Variants in DYNC2H1 observed in about 807,000 individuals in gnomAD.
The protein encoded by DYNC2H1 is dynein cytoplasmic 2 heavy chain 1, also known as cytoplasmic dynein 2 heavy chain 1.
In DYNC2H1, 410 loss-of-function variants were observed where a neutral mutation model predicts 570.0. The observed-to-expected ratio is 0.72, with a 90% CI of 0.66 to 0.78. The LOEUF (loss-of-function observed/expected upper bound fraction) is 0.78. DYNC2H1 is among the 30% of genes least tolerant of loss of function. The pLI is 0.00. For missense variants in DYNC2H1, 4,865 were observed against 5,046.4 expected (o/e 0.96, Z 1.09); for synonymous variants, 1,688 against 1,677.6 (o/e 1.01, Z -0.15).
rs1401972124 is a variant in DYNC2H1 at position 103,465,043 on chromosome 11, A to G, written c.12649-3546A>G. On this transcript the variant is annotated intron_variant, in intron 87 of 88. Coordinates refer to ENST00000375735, the MANE Select transcript of DYNC2H1 (RefSeq NM_001377.3). This position sits in a 1 kb window ranked among gnomAD's most constrained non-coding sequence, Gnocchi z 4.9. ...TCAGTACTGAATACTTTAAGAATTT[A>G]TTAGAAAGTTTTACACTTAATTACG... Among the ~76,000 whole-genome samples the G allele has an allele frequency of 1.3e-5, 2 of 152,196 alleles. No individual in the cohort carries two copies. The highest frequency in any genetic ancestry group is 6.5e-5 in the Admixed American group (1 of 15,274).
At chr11:103,270,205 A>T (rs1179679928) in intron 70 of DYNC2H1, among the ~76,000 whole-genome samples, 1 of 150,676 alleles carries the variant, frequency 6.6e-6, no homozygotes. Flanking sequence ...AAAAAAAAAA[A>T]AAAATAATAA....
chr11:103,414,583 A>C (rs886353712), intron 84 of DYNC2H1, among the ~76,000 whole-genome samples: 1 of 111,880 alleles, frequency 8.9e-6, no homozygotes, highest in South Asian at 3.2e-4. Context: ...GTAAGAGAGA[A>C]GTCACATTGT....
chr11:103,332,296 A>C (rs1938849660), intron 82 of DYNC2H1, among the ~76,000 whole-genome samples: 1 of 138,156 alleles, frequency 7.2e-6, no homozygotes. Flanking sequence ...CTGAAACATA[A>C]GGAGAAAAAA....
chr11:103,386,034 T>A (rs2671399), intron 83 of DYNC2H1, among the ~76,000 whole-genome samples: 66,522 of 151,982 alleles, frequency 0.44, 16,161 homozygotes, highest in Non-Finnish European at 0.55. Context: ...CAACATGAGG[T>A]AAATAAAGAT....
chr11:103,436,565 T>G (rs773666389), intron 85 of DYNC2H1, among the ~76,000 whole-genome samples: 110 of 152,134 alleles, frequency 7.2e-4, no homozygotes, highest in Admixed American at 3.3e-3. Flanking sequence ...TTGCACCAGC[T>G]TCACAAAAGA....
intron 83 of DYNC2H1, among the ~76,000 whole-genome samples, chr11:103,373,085 A>C (rs1238962261): frequency 1.3e-5 from 2 of 152,138 alleles, no homozygotes; most frequent in Non-Finnish European, 2.9e-5. Context: ...CTGGGACTAC[A>C]GTCGTGCACC....
rs1307997851 is a variant in DYNC2H1 at position 103,472,044 on chromosome 11, A to T, written c.12765+3339A>T. ...CCAGACAGAAGTAGCAGCATATGTA[A>T]ATATATGCAGATAGAAAAGAGCTTA... is the stretch of plus-strand genomic sequence containing the variant. On this transcript the variant is annotated intron_variant, in intron 88 of 88. Coordinates refer to ENST00000375735, the MANE Select transcript of DYNC2H1 (RefSeq NM_001377.3). The surrounding 1 kb of genome is among the most constrained non-coding windows in gnomAD (Gnocchi z 4.1). 1.3e-5 allele frequency among the ~76,000 whole-genome samples: 2 copies of T among 152,190 alleles called. No individual in the cohort carries two copies.
chr11:103,225,881 GA>G (rs1863781667), intron 59 of DYNC2H1, among the ~76,000 whole-genome samples: 1 of 152,000 alleles, frequency 6.6e-6, no homozygotes, highest in Non-Finnish European at 1.5e-5. Context: ...GCCCATCTGT[GA>G]GCATGGGATA....
At chr11:103,360,805 TAAATA>T (rs1377377743) in intron 83 of DYNC2H1, among the ~76,000 whole-genome samples, 3 of 152,224 alleles carry the variant, frequency 2.0e-5, no homozygotes, top group South Asian at 2.1e-4. Flanking sequence ...AGCAAGTAAA[TAAATA>T]AAATATATTA....
chr11:103,274,467 C>CT (rs1170276959), intron 70 of DYNC2H1, among the ~76,000 whole-genome samples: 1 of 151,908 alleles, frequency 6.6e-6, no homozygotes, highest in Non-Finnish European at 1.5e-5. Context: ...CATTTATTGT[C>CT]TTATTTATCT....
At chr11:103,135,995 G>C in intron 17 of DYNC2H1, 47 bp downstream of exon 17, 1 of 1,420,772 alleles carries the variant, frequency 7.0e-7, no homozygotes, top group East Asian at 2.4e-5. Context: ...AATTATTTCT[G>C]ATTGATTGAA....
intron 83 of DYNC2H1, among the ~76,000 whole-genome samples, chr11:103,392,986 C>T (rs193119462): frequency 6.1e-4 from 93 of 152,080 alleles, no homozygotes; most frequent in Non-Finnish European, 1.1e-3. Flanking sequence ...CAGGTTCAAG[C>T]GATTCTCCTG....
rs369851711 is a variant in DYNC2H1 at position 103,253,269 on chromosome 11, TG to T, written c.10043-15del. The T allele has an allele frequency of 1.3e-4, 199 of 1,574,964 alleles. No individual in the cohort carries two copies. Among genetic ancestry groups the T allele is most frequent in the Middle Eastern group, 6.8e-4 (4 of 5,892 alleles). On this transcript the variant is annotated splice_polypyrimidine_tract_variant and intron_variant, in intron 65 of 88. Transcript: ENST00000375735. ...AGAAGATTCAGACCAACCAATTGTGTGTTTTTTTTAAATAGGACCACGTTAT... is the reference window on the plus strand; with the variant it reads ...AGAAGATTCAGACCAACCAATTGTGTTTTTTTTTAAATAGGACCACGTTAT...
intron 83 of DYNC2H1, among the ~76,000 whole-genome samples, chr11:103,394,158 T>C (rs894123935): frequency 2.0e-5 from 3 of 152,320 alleles, no homozygotes; most frequent in Admixed American, 6.5e-5. Flanking sequence ...TGGGTATTTA[T>C]TACTTACTTT....
intron 59 of DYNC2H1, among the ~76,000 whole-genome samples, chr11:103,224,978 G>A (rs1362363623): frequency 6.6e-6 from 1 of 152,108 alleles, no homozygotes; most frequent in Non-Finnish European, 1.5e-5. Context: ...TTGTGGTTTT[G>A]ATTTGCATTT....
At chr11:103,274,159 T>C (rs1270627775) in intron 70 of DYNC2H1, among the ~76,000 whole-genome samples, 1 of 150,384 alleles carries the variant, frequency 6.6e-6, no homozygotes, top group Non-Finnish European at 1.5e-5. Flanking sequence ...CACACACATA[T>C]ATATATATCT....
rs1382609518 is a variant in DYNC2H1, at chr11:103,256,600, A to G, written c.10461+360A>G. Among the ~76,000 whole-genome samples the G allele has an allele frequency of 1.3e-5, 2 of 152,194 alleles. No individual in the cohort carries two copies. The highest frequency in any genetic ancestry group is 1.5e-5 in the Non-Finnish European group (1 of 68,034). ...ACTTTTCTTAAGTTAAGGCAAGTTA[A>G]ATATACTAATTAAAAGGGTTATAAG... On this transcript the variant is annotated intron_variant, in intron 68 of 88. Coordinates refer to ENST00000375735, the MANE Select transcript of DYNC2H1 (RefSeq NM_001377.3). This position sits in a 1 kb window ranked among gnomAD's most constrained non-coding sequence, Gnocchi z 4.0.
rs542316908 is a variant in DYNC2H1 at position 103,213,019 on chromosome 11, C to G, written c.8694+1076C>G. 2.0e-5 allele frequency among the ~76,000 whole-genome samples: 3 copies of G among 152,184 alleles called. No individual in the cohort carries two copies. In the South Asian group the frequency reaches 6.2e-4, roughly 32 times the overall value. On this transcript the variant is annotated intron_variant, in intron 54 of 88. Coordinates refer to ENST00000375735, the MANE Select transcript of DYNC2H1 (RefSeq NM_001377.3). ...CATTCCTTTTTTGCCATTACTCTTT[C>G]CCCAAATCTTCTGATTTGTTAGGTG...
Position 103,289,358 on chromosome 11 carries a change from C to T in DYNC2H1, c.11095+1753C>T, listed in dbSNP as rs572776718. ...GCACTAAAAAACCATAAGCTAAATTCCTTCCCAAGGATAGTTCAGCCTACA... is the reference window on the plus strand; with the variant it reads ...GCACTAAAAAACCATAAGCTAAATTTCTTCCCAAGGATAGTTCAGCCTACA... On this transcript the variant is annotated intron_variant, in intron 75 of 88. Coordinates refer to ENST00000375735, the MANE Select transcript of DYNC2H1 (RefSeq NM_001377.3). This position sits in a 1 kb window ranked among gnomAD's most constrained non-coding sequence, Gnocchi z 4.2. Among the ~76,000 whole-genome samples, 1 of 152,240 alleles carries T rather than the reference C, an allele frequency of 6.6e-6. No individual in the cohort carries two copies. Among genetic ancestry groups the T allele is most frequent in the African/African-American group, 2.4e-5 (1 of 41,538 alleles).
Sources: gnomAD v4.1 joint callset for allele counts (sites outside exome capture counted in the v4.1 genomes callset) on GRCh38, gnomAD v4.1.1 for gene constraint, Gnocchi (gnomAD v3.1) non-coding constraint, MANE v1.5 for transcripts, NCBI Gene and HGNC (gene_info 2026-07-23, HGNC 2026-07-21) for gene names.